Variants in PDE8B observed in about 807,000 individuals in gnomAD.
PDE8B encodes the protein high affinity cAMP-specific and IBMX-insensitive 3',5'-cyclic phosphodiesterase 8B.
Under a neutral mutation model 101.3 loss-of-function variants are expected in PDE8B, and 26 were observed. That is an observed-to-expected ratio of 0.26 (90% CI 0.19 to 0.36). The LOEUF is 0.36. Ranked by LOEUF, PDE8B falls within the 10% of genes least tolerant of loss-of-function variation. The pLI is 1.00. For missense variants in PDE8B, 810 were observed against 1,163.1 expected (o/e 0.70, Z 4.42); for synonymous variants, 424 against 429.3 (o/e 0.99, Z 0.15).
At chr5:77,371,910 T>C (rs933458574) in intron 10 of PDE8B, among the ~76,000 whole-genome samples, 2 of 152,206 alleles carry the variant, frequency 1.3e-5, no homozygotes, top group Admixed American at 1.3e-4. Flanking sequence ...AAACATACAA[T>C]TGATTTTTTG....
chr5:77,202,592 T>A, the PDE8B span, among the ~76,000 whole-genome samples: 6 of 152,332 alleles, frequency 3.9e-5, no homozygotes, highest in African/African-American at 1.4e-4. Context: ...AATTGACTGT[T>A]TATGTTATCT....
At chr5:77,329,161 G>A in intron 4 of PDE8B, 104 bp downstream of exon 4, 1 of 849,140 alleles carries the variant, frequency 1.2e-6, no homozygotes, top group East Asian at 2.5e-5. Context: ...GGTGTGTCTT[G>A]GGTCCTAGAA....
chr5:77,116,224 A>ATTTTTT, the PDE8B span, among the ~76,000 whole-genome samples: 5 of 59,608 alleles, frequency 8.4e-5, no homozygotes, highest in East Asian at 9.8e-4. Flanking sequence ...ATATATATAT[A>ATTTTTT]TTTTTTTTTT....
chr5:77,139,178 T>C, the PDE8B span: 1 of 152,260 alleles, frequency 6.6e-6, no homozygotes, highest in African/African-American at 2.4e-5. Context: ...TGTGGCATGA[T>C]GGTTGCTAAG....
intron 10 of PDE8B, among the ~76,000 whole-genome samples, chr5:77,364,768 A>T (rs1423517931): frequency 6.6e-6 from 1 of 152,184 alleles, no homozygotes; most frequent in Non-Finnish European, 1.5e-5. Flanking sequence ...GCCAGGTCTC[A>T]GTGGGTGCCA....
At chr5:77,262,057 T>A (rs148569724) in intron 1 of PDE8B, among the ~76,000 whole-genome samples, 1 of 152,286 alleles carries the variant, frequency 6.6e-6, no homozygotes, top group East Asian at 1.9e-4. Context: ...TTAAAAATAG[T>A]AGCAGGAAAC....
At chr5:77,218,921 G>A (rs1272957699) in intron 1 of PDE8B, among the ~76,000 whole-genome samples, 1 of 152,046 alleles carries the variant, frequency 6.6e-6, no homozygotes, top group Non-Finnish European at 1.5e-5. Context: ...ACATTGATTT[G>A]GCCAATAGAT....
the PDE8B span, among the ~76,000 whole-genome samples, chr5:77,178,773 G>C: frequency 1.3e-5 from 2 of 151,990 alleles, no homozygotes; most frequent in Non-Finnish European, 2.9e-5. Context: ...GCATCTCAAG[G>C]CTCAGTTAGG....
At chr5:77,215,050 C>G (rs1749362780) in intron 1 of PDE8B, among the ~76,000 whole-genome samples, 1 of 152,188 alleles carries the variant, frequency 6.6e-6, no homozygotes. Flanking sequence ...TAGTTCACTT[C>G]TGTATGGGAA....
At chr5:77,111,567 A>C in the PDE8B span, among the ~76,000 whole-genome samples, 2 of 152,328 alleles carry the variant, frequency 1.3e-5, no homozygotes, top group South Asian at 4.1e-4. Flanking sequence ...CCAATACTGA[A>C]ATACTGGAGA....
At position 77,427,712 on chromosome 5, in the gene PDE8B, A is replaced by G. The variant is rs539294030; in HGVS notation, c.*1158A>G. 1.3e-5 allele frequency: 2 copies of G among 152,318 alleles called. No individual in the cohort carries two copies. The highest frequency in any genetic ancestry group is 1.9e-4 in the East Asian group (1 of 5,188). 9.4% of individuals were successfully genotyped at this position (152,318 alleles called of 1,614,324 possible). ...TTCTAAAGCACAAGTGCATATTTTT[A>G]TACTGCTCTTTTCACAACTCCCTGT... On this transcript the variant is annotated 3_prime_UTR_variant, in exon 22 of 22. Transcript: ENST00000264917.
In PDE8B at chr5:77,217,716, C is replaced by T. The variant is rs1228090787; in HGVS notation, c.339+6452C>T. Among the ~76,000 whole-genome samples the T allele has an allele frequency of 5.3e-5, 8 of 152,004 alleles. No individual in the cohort carries two copies. The East Asian group carries it at 9.7e-4, about 18-fold the overall frequency. Reference sequence around the variant, plus strand: ...CCCTCGGCTAATTTTTTGGTATTTTCTGTAGAGATGGGGTCTCGCCACGTT... The same window carrying T: ...CCCTCGGCTAATTTTTTGGTATTTTTTGTAGAGATGGGGTCTCGCCACGTT... On this transcript the variant is annotated intron_variant, in intron 1 of 21. Transcript: ENST00000264917.
At position 77,312,014 on chromosome 5, in the gene PDE8B, G is replaced by T; in HGVS notation, c.360G>T (p.Val120=). 1 of 1,613,650 alleles carries T rather than the reference G, an allele frequency of 6.2e-7. No homozygotes were observed. Among genetic ancestry groups the T allele is most frequent in the Non-Finnish European group, 8.5e-7 (1 of 1,179,720 alleles). ...TSVKQVSSAE[V]RIGPMRLTQD... ...TTTAGCAGGTGTCTTCTGCGGAGGT[G>T]CGCATCGGGCCCATGAGACTGACGC... Residue 120 remains valine (V), a synonymous_variant, in exon 2 of 22, where the codon GTG becomes GTT. Coordinates refer to ENST00000264917, the MANE Select transcript of PDE8B (RefSeq NM_003719.5).
chr5:77,184,121 C>A, the PDE8B span, among the ~76,000 whole-genome samples: 1 of 152,114 alleles, frequency 6.6e-6, no homozygotes, highest in African/African-American at 2.4e-5. Flanking sequence ...CGTGCGCCAC[C>A]ATGCCCAGCT....
At chr5:77,425,069 A>AT (rs1797726501) in intron 20 of PDE8B, among the ~76,000 whole-genome samples, 1 of 152,190 alleles carries the variant, frequency 6.6e-6, no homozygotes, top group Non-Finnish European at 1.5e-5. Flanking sequence ...GTGCTAGTTC[A>AT]TTGAGTCATG....
intron 6 of PDE8B, among the ~76,000 whole-genome samples, chr5:77,339,266 G>A (rs1778754528): frequency 1.3e-5 from 2 of 152,126 alleles, no homozygotes; most frequent in Admixed American, 6.5e-5. Context: ...ATAATGAAAA[G>A]GCTCAAGTTC....
intron 10 of PDE8B, among the ~76,000 whole-genome samples, chr5:77,373,955 T>C (rs1007312082): frequency 6.6e-6 from 1 of 152,224 alleles, no homozygotes; most frequent in African/African-American, 2.4e-5. Flanking sequence ...GTTCAAGCGA[T>C]TCTCCTGCCT....
intron 1 of PDE8B, among the ~76,000 whole-genome samples, chr5:77,230,358 C>T (rs1331948357): frequency 6.6e-6 from 1 of 152,236 alleles, no homozygotes; most frequent in Non-Finnish European, 1.5e-5. Flanking sequence ...ACAGGCACCA[C>T]TTCTCACACT....
rs550638288 is a variant in PDE8B at position 77,351,859 on chromosome 5, A to G, written c.1106+706A>G. 2.3e-3 allele frequency among the ~76,000 whole-genome samples: 353 copies of G among 152,252 alleles called. 2 individuals carry two copies. Among genetic ancestry groups the G allele is most frequent in the African/African-American group, 8.2e-3 (340 of 41,552 alleles). On this transcript the variant is annotated intron_variant, in intron 9 of 21. Transcript: ENST00000264917. ...CAACGTTGTGTGACATGTCAGAAAA[A>G]GATGAGGCCACAGTCATCCTGCCAG...
Sources: allele counts gnomAD v4.1 joint callset (sites outside exome capture counted in the v4.1 genomes callset), GRCh38; gene constraint gnomAD v4.1.1; transcripts MANE v1.5; gene names NCBI Gene and HGNC (gene_info 2026-07-23, HGNC 2026-07-21).